PLPPR5: variants seen among roughly 807,000 people sequenced by gnomAD.
PLPPR5 encodes the protein phospholipid phosphatase-related protein type 5.
In PLPPR5, 16 loss-of-function variants were observed where a neutral mutation model predicts 33.9. That is an observed-to-expected ratio of 0.47 (90% CI 0.32 to 0.72). The LOEUF (loss-of-function observed/expected upper bound fraction) is 0.72, where lower values mean the gene tolerates loss of function less well. Among genes scored for constraint, PLPPR5 ranks in the 30% least tolerant of loss-of-function variants. The pLI, the probability that PLPPR5 is intolerant of heterozygous loss-of-function variation, is 0.03. For synonymous variants in PLPPR5, 163 were observed against 150.3 expected, an observed-to-expected ratio of 1.08 and a Z score of -0.62; for missense variants, 301 against 406.7, an observed-to-expected ratio of 0.74 and a Z score of 2.23.
At chr1:98,952,971 C>A in intron 3 of PLPPR5, 99 bp downstream of exon 3, 1 of 1,400,190 alleles carries the variant, frequency 7.1e-7, no homozygotes. Flanking sequence ...TATGAATGTG[C>A]TTTAAGTGAC....
At chr1:98,911,977 C>G (rs1431624475) in intron 5 of PLPPR5, among the ~76,000 whole-genome samples, 4 of 152,096 alleles carry the variant, frequency 2.6e-5, no homozygotes, top group Non-Finnish European at 4.4e-5. Flanking sequence ...TGTTACAGCC[C>G]AGGGTGGTCT....
At chr1:98,992,297 A>G (rs1180843401) in intron 1 of PLPPR5, among the ~76,000 whole-genome samples, 1 of 152,120 alleles carries the variant, frequency 6.6e-6, no homozygotes, top group Non-Finnish European at 1.5e-5. Flanking sequence ...TATTATTTTG[A>G]GAGTACTCCT....
chr1:98,987,045 C>T (rs1652287982), intron 1 of PLPPR5, among the ~76,000 whole-genome samples: 1 of 151,764 alleles, frequency 6.6e-6, no homozygotes, highest in African/African-American at 2.4e-5. Context: ...CTCTTAAAGT[C>T]TTTCAATTAT....
At chr1:98,926,733 G>A (rs939073901) in intron 3 of PLPPR5, among the ~76,000 whole-genome samples, 6 of 152,104 alleles carry the variant, frequency 3.9e-5, no homozygotes, top group African/African-American at 1.4e-4. Context: ...CCAGATTCTA[G>A]TTAGCTACAC....
chr1:98,908,106 C>G (rs17119203), intron 5 of PLPPR5, among the ~76,000 whole-genome samples: 1 of 151,706 alleles, frequency 6.6e-6, no homozygotes, highest in Non-Finnish European at 1.5e-5. Flanking sequence ...GGTGTTGAGA[C>G]GTTCTGTAAA....
At chr1:98,906,875 T>C (rs954582996) in intron 5 of PLPPR5, among the ~76,000 whole-genome samples, 2 of 152,224 alleles carry the variant, frequency 1.3e-5, no homozygotes, top group African/African-American at 2.4e-5. Context: ...CCATTTATCA[T>C]CTTCTTCAGA....
chr1:98,971,420 T>C (rs1651655063), intron 1 of PLPPR5, among the ~76,000 whole-genome samples: 1 of 152,048 alleles, frequency 6.6e-6, no homozygotes, highest in African/African-American at 2.4e-5. Context: ...AAAGTATGAC[T>C]ACACTATCTC....
chr1:98,929,111 C>T (rs1250101236), intron 3 of PLPPR5, among the ~76,000 whole-genome samples: 1 of 152,138 alleles, frequency 6.6e-6, no homozygotes, highest in Non-Finnish European at 1.5e-5. Context: ...GTTCAGTCTA[C>T]CACCAATTAG....
intron 5 of PLPPR5, among the ~76,000 whole-genome samples, chr1:98,893,516 G>A (rs1400917101): frequency 6.7e-6 from 1 of 149,916 alleles, no homozygotes; most frequent in Non-Finnish European, 1.5e-5. Flanking sequence ...GCATTTGCTA[G>A]TTGACAAAAA....
chr1:98,961,553 T>C (rs1651251604), intron 1 of PLPPR5, among the ~76,000 whole-genome samples: 1 of 152,218 alleles, frequency 6.6e-6, no homozygotes, highest in South Asian at 2.1e-4. Flanking sequence ...ATGGCATTAG[T>C]AAACAGTCTA....
chr1:98,951,016 C>G (rs1201531783), intron 3 of PLPPR5, among the ~76,000 whole-genome samples: 1 of 152,030 alleles, frequency 6.6e-6, no homozygotes, highest in African/African-American at 2.4e-5. Flanking sequence ...AATCTAATGT[C>G]TATTAGTATT....
At chr1:98,997,509 A>C (rs1652673711) in intron 1 of PLPPR5, among the ~76,000 whole-genome samples, 2 of 152,216 alleles carry the variant, frequency 1.3e-5, no homozygotes, top group Admixed American at 6.5e-5. Context: ...TACAAAATGA[A>C]CGAGATGATT....
At chr1:98,939,337 G>T (rs570494893) in intron 3 of PLPPR5, among the ~76,000 whole-genome samples, 1 of 148,016 alleles carries the variant, frequency 6.8e-6, no homozygotes, top group South Asian at 2.1e-4. Flanking sequence ...AAATATGCTA[G>T]GTGCACCACT....
chr1:98,965,355 T>C (rs904445349), intron 1 of PLPPR5, among the ~76,000 whole-genome samples: 3 of 152,174 alleles, frequency 2.0e-5, no homozygotes, highest in African/African-American at 7.2e-5. Context: ...ATCCCAGTGT[T>C]GAACACTATG....
intron 1 of PLPPR5, among the ~76,000 whole-genome samples, chr1:98,997,547 A>G (rs1357727554): frequency 1.3e-5 from 2 of 152,206 alleles, no homozygotes; most frequent in African/African-American, 4.8e-5. Context: ...CAATACTCAG[A>G]GCTTATTGAA....
chr1:98,953,275 G>T lies in PLPPR5; in HGVS notation c.416C>A (p.Ala139Asp). The change falls in exon 3 of 6, where the codon GCT (alanine) becomes GAT (aspartate). Residue 139 changes from alanine to aspartate, a missense_variant. Physicochemically the swap from Ala to Asp is moderately radical, Grantham distance 126. Transcript: ENST00000263177. ...CAGATTTCCTGTGACTACTTGTCCA[G>T]CATTTACAAAGATATCTGTAGCAAA... ...GLFATDIFVN[A>D]GQVVTGNLAP... 6.2e-7 allele frequency: 1 copy of T among 1,613,538 alleles called. No homozygotes were observed.
Position 98,953,154 on chromosome 1 carries a change from G to T in PLPPR5, c.537C>A (p.Gly179=). The T allele has an allele frequency of 6.2e-7, 1 of 1,614,112 alleles. No homozygotes were observed. Among genetic ancestry groups the T allele is most frequent in the Non-Finnish European group, 8.5e-7 (1 of 1,180,010 alleles). The part of the protein sequence containing the change: ...QFISGEEACT[G]NPDLIMRARK... The stretch of plus-strand genomic sequence containing the variant: ...GGGCTCTCATGATGAGATCTGGGTT[G>T]CCAGTACAGGCCTCTTCCCCACTGA... Residue 179 remains glycine (G), a synonymous_variant, in exon 3 of 6, where the codon GGC becomes GGA. Transcript: ENST00000263177.
intron 1 of PLPPR5, among the ~76,000 whole-genome samples, chr1:98,979,232 A>T (rs2100750599): frequency 6.6e-6 from 1 of 152,164 alleles, no homozygotes; most frequent in South Asian, 2.1e-4. Flanking sequence ...ATTTCTTCAG[A>T]GCAGTTTTCT....
Position 98,959,054 on chromosome 1 carries a change from C to T in PLPPR5, c.238-2313G>A, listed in dbSNP as rs570909322. 2.6e-5 allele frequency among the ~76,000 whole-genome samples: 4 copies of T among 152,324 alleles called. No individual in the cohort carries two copies. The East Asian group carries it at 7.7e-4, about 29-fold the overall frequency. Reference sequence around the variant, plus strand: ...ATAAAGGAATCACATTTTCAAAAAACCGTCAGCTTCAATAGATCAGAATGT... The same window carrying T: ...ATAAAGGAATCACATTTTCAAAAAATCGTCAGCTTCAATAGATCAGAATGT... On this transcript the variant is annotated intron_variant, in intron 1 of 5. Coordinates refer to ENST00000263177, the MANE Select transcript of PLPPR5 (RefSeq NM_001037317.2).
Sources: allele counts gnomAD v4.1 joint callset (sites outside exome capture counted in the v4.1 genomes callset), GRCh38; gene constraint gnomAD v4.1.1; transcripts MANE v1.5; gene names NCBI Gene and HGNC (gene_info 2026-07-23, HGNC 2026-07-21).